GPX5: variants seen among roughly 807,000 people sequenced by gnomAD.
GPX5 encodes the protein glutathione peroxidase 5.
Under a neutral mutation model 23.8 loss-of-function variants are expected in GPX5, and 20 were observed. That is an observed-to-expected ratio of 0.84 (90% CI 0.59 to 1.22). The LOEUF is 1.22. Among genes scored for constraint, GPX5 ranks in the 50% most tolerant of loss-of-function variants. The pLI is 0.00. For synonymous variants in GPX5, 92 were observed against 99.5 expected (o/e 0.92, Z 0.45); for missense variants, 230 against 266.6 (o/e 0.86, Z 0.96).
At position 28,532,321 on chromosome 6, in the gene GPX5, G is replaced by A; in HGVS notation, c.360G>A (p.Lys120=). 1 of 1,555,602 alleles carries A rather than the reference G, an allele frequency of 6.4e-7. No homozygotes were observed. Among genetic ancestry groups the A allele is most frequent in the Non-Finnish European group, 8.7e-7 (1 of 1,154,756 alleles). Residue 120 remains lysine, a splice_region_variant and synonymous_variant, in exon 4 of 5, where the codon AAG becomes AAA. Coordinates refer to ENST00000412168, the MANE Select transcript of GPX5 (RefSeq NM_001509.3). ...CTGGGAACATTATGGCTTGTTGCAG[G>A]TATGTCCGTCCAGGGGGAGGATTTG... ...GDNKEILPGL[K]YVRPGGGFVP...
chr6:28,533,560 A>G (rs1347910619), intron 4 of GPX5, among the ~76,000 whole-genome samples: 1 of 152,236 alleles, frequency 6.6e-6, no homozygotes, highest in African/African-American at 2.4e-5. Context: ...TTGTTATTTG[A>G]CAAAATATTA....
In GPX5 at chr6:28,531,902, G is replaced by T; in HGVS notation, c.359+7G>T. 6.3e-7 allele frequency: 1 copy of T among 1,589,800 alleles called. No individual in the cohort carries two copies. The highest frequency in any genetic ancestry group is 1.1e-5 in the South Asian group (1 of 90,546). ...AGATTCTTCCTGGGCTCAAGTACGT[G>T]TCTTCTTGAAATCCAATAGGAGGCG... On this transcript the variant is annotated splice_region_variant and intron_variant, in intron 3 of 4. Transcript: ENST00000412168.
chr6:28,530,266 C>G (rs1229340461), intron 2 of GPX5: 1 of 152,134 alleles, frequency 6.6e-6, no homozygotes, highest in East Asian at 1.9e-4. Context: ...TTTTTCCTCC[C>G]TTTTTGTACA....
rs1189321735 is a variant in GPX5, at chr6:28,531,390, AAAAGAAAAGAAAAG to A, written c.242-384_242-371del. On this transcript the variant is annotated intron_variant, in intron 2 of 4. Transcript: ENST00000412168. ...TGTCTCAAAAAAAAAAAAAAAAAAA[AAAAGAAAAGAAAAG>A]AAAAGAAAAGAAAAGAAAAGAAAAG... 2.0e-3 allele frequency among the ~76,000 whole-genome samples: 113 copies of A among 55,696 alleles called. 5 individuals are homozygous for A. The highest frequency in any genetic ancestry group is 8.8e-3 in the African/African-American group (93 of 10,588). 36.5% of individuals were successfully genotyped at this position (55,696 alleles called of 152,430 possible).
At chr6:28,526,200 C>T in intron 1 of GPX5, 100 bp downstream of exon 1, 1 of 899,156 alleles carries the variant, frequency 1.1e-6, no homozygotes, top group Non-Finnish European at 1.8e-6. Flanking sequence ...CTGCTTTCTT[C>T]TTCTTTGCCA....
In GPX5 at chr6:28,531,830, C is replaced by T; in HGVS notation, c.294C>T (p.Gly98=). 1 of 1,613,974 alleles carries T rather than the reference C, an allele frequency of 6.2e-7. No individual in the cohort carries two copies. The highest frequency in any genetic ancestry group is 1.6e-4 in the Middle Eastern group (1 of 6,062). The part of the protein sequence containing the change: ...ELKPYGLVVL[G]FPCNQFGKQE... Reference sequence around the variant, plus strand: ...AGCCCTATGGTCTAGTTGTGTTGGGCTTTCCCTGCAACCAATTTGGAAAGC... The same window carrying T: ...AGCCCTATGGTCTAGTTGTGTTGGGTTTTCCCTGCAACCAATTTGGAAAGC... Residue 98 remains glycine (G), a synonymous_variant, in exon 3 of 5, where the codon GGC becomes GGT. Transcript: ENST00000412168.
At chr6:28,533,872 GA>G in intron 4 of GPX5, 88 bp from the exon 5 acceptor site, 1 of 754,968 alleles carries the variant, frequency 1.3e-6, no homozygotes, top group Non-Finnish European at 2.1e-6. Flanking sequence ...CTAGGTATAG[GA>G]GGGGGTGGAT....
In GPX5 at chr6:28,528,795, G is replaced by GTA. The variant is rs201498971; in HGVS notation, c.88-644_88-643dup. Among the ~76,000 whole-genome samples the GTA allele has an allele frequency of 2.1e-3, 269 of 128,222 alleles. 1 individual carries two copies. The highest frequency in any genetic ancestry group is 0.011 in the South Asian group (42 of 3,948). 84.1% of individuals were successfully genotyped at this position (128,222 alleles called of 152,430 possible). A position where few individuals can be genotyped will look rare whatever the true frequency, so the allele number is the denominator to read the frequency against. On this transcript the variant is annotated intron_variant, in intron 1 of 4. Transcript: ENST00000412168. ...ACATAGTAAGTGTGTATATATATGT[G>GTA]TATATATATATATGTGTGTATATAT...
At chr6:28,529,288 G>A in intron 1 of GPX5, 163 bp from the exon 2 acceptor site, 1 of 471,090 alleles carries the variant, frequency 2.1e-6, no homozygotes, top group Non-Finnish European at 3.6e-6. Flanking sequence ...TTATTTCCAA[G>A]TTACAAGAAC....
chr6:28,529,736 C>G, intron 2 of GPX5, 132 bp downstream of exon 2: 1 of 795,334 alleles, frequency 1.3e-6, no homozygotes, highest in Non-Finnish European at 1.8e-6. Context: ...TGACTTCATC[C>G]TCCATATCAG....
chr6:28,527,115 G>C (rs1333785397), intron 1 of GPX5: 2 of 152,136 alleles, frequency 1.3e-5, no homozygotes, highest in African/African-American at 4.8e-5. Flanking sequence ...CACGTTATAT[G>C]GACTTCAATA....
chr6:28,529,549 G>C lies in GPX5; in HGVS notation c.186G>C (p.Lys62Asn). The change falls in exon 2 of 5, where the codon AAG becomes AAC. Residue 62 changes from lysine (K) to asparagine (N), a missense_variant. Lys to Asn is a moderately conservative substitution (Grantham distance 94). Transcript: ENST00000412168. ...TTTCCTTCAAGCAGTATGTGGGCAA[G>C]CACATCCTCTTCGTCAACGTGGCCA... ...EYVSFKQYVG[K>N]HILFVNVATY... 6.2e-7 allele frequency: 1 copy of C among 1,612,908 alleles called. No homozygotes were observed. Among genetic ancestry groups the C allele is most frequent in the Non-Finnish European group, 8.5e-7 (1 of 1,179,142 alleles).
At chr6:28,533,754 C>A (rs866819655) in intron 4 of GPX5, among the ~76,000 whole-genome samples, 1 of 151,890 alleles carries the variant, frequency 6.6e-6, no homozygotes, top group African/African-American at 2.4e-5. Context: ...GGGGAGAAAC[C>A]GAAAGAGAGC....
chr6:28,530,607 AT>A (rs1236858819), intron 2 of GPX5, among the ~76,000 whole-genome samples: 5 of 152,198 alleles, frequency 3.3e-5, no homozygotes, highest in South Asian at 2.1e-4. Context: ...TGCTGCCTTG[AT>A]TTTTTAATTA....
intron 2 of GPX5, 25 bp downstream of exon 2, chr6:28,529,629 C>A (rs1260126852): frequency 6.5e-7 from 1 of 1,548,340 alleles, no homozygotes. Flanking sequence ...AGTTACTTCT[C>A]TTTGGGACTA....
chr6:28,529,093 C>CT (rs57862879), intron 1 of GPX5, among the ~76,000 whole-genome samples: 18,371 of 148,666 alleles, frequency 0.12, 1,476 homozygotes, highest in East Asian at 0.42. Context: ...TTCTAACTAT[C>CT]TTTTTTTTTT....
rs752625221 is a variant in GPX5 at position 28,531,890 on chromosome 6, G to A, written c.354G>A (p.Gly118=). The A allele has an allele frequency of 3.1e-6, 5 of 1,605,736 alleles. No individual in the cohort carries two copies. Among genetic ancestry groups the A allele is most frequent in the South Asian group, 1.1e-5 (1 of 90,872 alleles). ...GAGATAACAAAGAGATTCTTCCTGG[G>A]CTCAAGTACGTGTCTTCTTGAAATC... ...EPGDNKEILP[G]LKYVRPGGGF... Residue 118 remains glycine, a synonymous_variant, in exon 3 of 5, where the codon GGG becomes GGA. Transcript: ENST00000412168.
chr6:28,532,003 C>G, intron 3 of GPX5, 108 bp downstream of exon 3: 1 of 802,566 alleles, frequency 1.2e-6, no homozygotes, highest in Admixed American at 2.1e-5. Flanking sequence ...TTAATAGGCT[C>G]AGGGGCATTA....
In GPX5 at chr6:28,533,903, C is replaced by A. The variant is rs555265561; in HGVS notation, c.460-58C>A. 7.5e-6 allele frequency: 9 copies of A among 1,194,786 alleles called. No individual in the cohort carries two copies. The African/African-American group carries it at 1.2e-4, about 16-fold the overall frequency. 74.0% of individuals were successfully genotyped at this position (1,194,786 alleles called of 1,614,324 possible). On this transcript the variant is annotated intron_variant, in intron 4 of 4. Transcript: ENST00000412168. ...GTGGATTACCTGTGGGTAAAAATAG[C>A]CTGGATCATCCAGGAGCAGAAATAA...
Sources: gnomAD v4.1 joint callset for allele counts (sites outside exome capture counted in the v4.1 genomes callset) on GRCh38, gnomAD v4.1.1 for gene constraint, MANE v1.5 for transcripts, NCBI Gene and HGNC (gene_info 2026-07-23, HGNC 2026-07-21) for gene names.